The following SLC25A44 variants were observed in gnomAD, a reference collection of about 807,000 sequenced individuals.
SLC25A44 encodes the protein solute carrier family 25 member 44, also known as solute carrier family 25, member 44.
Under a neutral mutation model 29.9 loss-of-function variants are expected in SLC25A44, and 17 were observed. That is an observed-to-expected ratio of 0.57 (90% CI 0.39 to 0.85). The LOEUF (loss-of-function observed/expected upper bound fraction) is 0.85. Ranked by LOEUF, SLC25A44 falls within the 40% of genes least tolerant of loss-of-function variation. The pLI is 0.00. For missense variants in SLC25A44, 302 were observed against 398.4 expected (o/e 0.76, Z 2.06); for synonymous variants, 140 against 151.8 (o/e 0.92, Z 0.57).
In SLC25A44 at chr1:156,210,556, T is replaced by C; in HGVS notation, c.*125T>C. The C allele has an allele frequency of 3.3e-6, 2 of 606,046 alleles. No individual in the cohort carries two copies. 37.5% of individuals were successfully genotyped at this position (606,046 alleles called of 1,614,324 possible). On this transcript the variant is annotated 3_prime_UTR_variant, in exon 4 of 4. Coordinates refer to ENST00000359511, the MANE Select transcript of SLC25A44 (RefSeq NM_014655.4). ...CAGCCCTGCCCTGGGCCAAGTGGCC[T>C]ATCTGGGATAGGGATAGAGACTTTG...
Position 156,207,914 on chromosome 1 carries a change from G to C in SLC25A44, c.654G>C (p.Glu218Asp). 1 of 1,613,984 alleles carries C rather than the reference G, an allele frequency of 6.2e-7. No homozygotes were observed. Among genetic ancestry groups the C allele is most frequent in the Middle Eastern group, 1.7e-4 (1 of 6,058 alleles). ...AGCTCTCCTACCTGTGTCCTAAGGA[G>C]TGCCCTCACATTGTCTTTCAAGCTG... ...AEQLSYLCPK[E>D]CPHIVFQAVS... Residue 218 changes from glutamate to aspartate, a missense_variant, in exon 3 of 4, where the codon GAG becomes GAC. By Grantham distance (45) the Glu-to-Asp change is conservative. Coordinates refer to ENST00000359511, the MANE Select transcript of SLC25A44 (RefSeq NM_014655.4).
Position 156,207,957 on chromosome 1 carries a change from G to A in SLC25A44, c.697G>A (p.Ala233Thr). The change falls in exon 3 of 4, where the codon GCA becomes ACA. Residue 233 changes from alanine (A) to threonine (T), a missense_variant. Physicochemically the swap from Ala to Thr is moderately conservative, Grantham distance 58 (BLOSUM62 0). Coordinates refer to ENST00000359511, the MANE Select transcript of SLC25A44 (RefSeq NM_014655.4). ...VFQAVSGPLA[A>T]ATASILTNPM... ...TCAAGCTGTCTCGGGGCCCCTGGCT[G>A]CAGCCACTGCCTCCATCCTCACCAA... is the stretch of plus-strand genomic sequence containing the variant. 2 of 1,614,080 alleles carry A rather than the reference G, an allele frequency of 1.2e-6. No individual in the cohort carries two copies. Among genetic ancestry groups the A allele is most frequent in the Non-Finnish European group, 8.5e-7 (1 of 1,179,972 alleles).
intron 2 of SLC25A44, 34 bp from the exon 3 acceptor site, chr1:156,207,852 G>C: frequency 6.2e-7 from 1 of 1,612,562 alleles, no homozygotes; most frequent in Non-Finnish European, 8.5e-7. Context: ...GTGGTGCTTT[G>C]TGTCTTTAGC....
rs563077138 is a variant in SLC25A44 at position 156,211,673 on chromosome 1, C to T, written c.*1242C>T. 1 of 152,842 alleles carries T rather than the reference C, an allele frequency of 6.5e-6. No individual in the cohort carries two copies. Among genetic ancestry groups the T allele is most frequent in the African/African-American group, 2.4e-5 (1 of 41,558 alleles). 9.5% of individuals were successfully genotyped at this position (152,842 alleles called of 1,614,324 possible). A position where few individuals can be genotyped will look rare whatever the true frequency, so the allele number is the denominator to read the frequency against. On this transcript the variant is annotated 3_prime_UTR_variant, in exon 4 of 4. Transcript: ENST00000359511. Reference sequence around the variant, plus strand: ...ATACCAGGACCACTGCATTTACCAGCCTGATACTGCCAAGATTATCTGATG... The same window carrying T: ...ATACCAGGACCACTGCATTTACCAGTCTGATACTGCCAAGATTATCTGATG...
chr1:156,195,551 T>G (rs2842882), intron 1 of SLC25A44, among the ~76,000 whole-genome samples: 62,823 of 151,978 alleles, frequency 0.41, 14,526 homozygotes, highest in African/African-American at 0.63. Context: ...GCCGAGTGGA[T>G]ATGGAGGAAG....
intron 2 of SLC25A44, among the ~76,000 whole-genome samples, chr1:156,201,279 A>G (rs984800301): frequency 4.6e-5 from 7 of 152,210 alleles, no homozygotes; most frequent in African/African-American, 1.4e-4. Context: ...GAGGGCTTCC[A>G]TAAACATACT....
intron 2 of SLC25A44, among the ~76,000 whole-genome samples, chr1:156,204,792 G>T (rs1006610887): frequency 1.3e-5 from 2 of 151,832 alleles, no homozygotes; most frequent in African/African-American, 4.8e-5. Context: ...ACAGTTTAAT[G>T]ATTGCAAAAT....
intron 1 of SLC25A44, chr1:156,196,660 C>T (rs1372667444): frequency 6.6e-6 from 1 of 152,204 alleles, no homozygotes; most frequent in East Asian, 1.9e-4. Context: ...CCTGCTTGAG[C>T]CCTGCTGTAT....
Position 156,200,074 on chromosome 1 carries a change from G to C in SLC25A44, c.227G>C (p.Gly76Ala). The change falls in exon 2 of 4, where the codon GGG (glycine) becomes GCG (alanine). Residue 76 changes from glycine to alanine, a missense_variant. Transcript: ENST00000359511. ...RADGITGLYR[G>A]FLVNTFTLIS... Reference sequence around the variant, plus strand: ...GATGGTATCACTGGCCTCTACCGAGGGTTCCTGGTCAATACCTTCACCCTC... The same window carrying C: ...GATGGTATCACTGGCCTCTACCGAGCGTTCCTGGTCAATACCTTCACCCTC... The C allele has an allele frequency of 6.2e-7, 1 of 1,614,158 alleles. No individual in the cohort carries two copies. The highest frequency in any genetic ancestry group is 8.5e-7 in the Non-Finnish European group (1 of 1,180,022).
At chr1:156,200,677 G>A (rs1466525999) in intron 2 of SLC25A44, among the ~76,000 whole-genome samples, 1 of 152,108 alleles carries the variant, frequency 6.6e-6, no homozygotes, top group Non-Finnish European at 1.5e-5. Context: ...AGTGAGGGAA[G>A]CAGACAGGTA....
rs1459624338 is a variant in SLC25A44 at position 156,211,333 on chromosome 1, T to G, written c.*902T>G. On this transcript the variant is annotated 3_prime_UTR_variant, in exon 4 of 4. Coordinates refer to ENST00000359511, the MANE Select transcript of SLC25A44 (RefSeq NM_014655.4). ...GTGGATCAGGCTGTCTTGGGTGCAC[T>G]GGACTTGGAGCACTACCTTGAGAAG... 6.5e-6 allele frequency: 1 copy of G among 152,766 alleles called. No homozygotes were observed. Among genetic ancestry groups the G allele is most frequent in the Admixed American group, 6.5e-5 (1 of 15,276 alleles). 9.5% of individuals were successfully genotyped at this position (152,766 alleles called of 1,614,324 possible). A position where few individuals can be genotyped will look rare whatever the true frequency, so the allele number is the denominator to read the frequency against.
chr1:156,210,731 C>T lies in SLC25A44; in HGVS notation c.*300C>T, dbSNP rs1657248135. 5.9e-6 allele frequency: 1 copy of T among 169,054 alleles called. No homozygotes were observed. The highest frequency in any genetic ancestry group is 2.8e-5 in the African/African-American group (1 of 35,838). 10.5% of individuals were successfully genotyped at this position (169,054 alleles called of 1,614,324 possible). A position where few individuals can be genotyped will look rare whatever the true frequency, so the allele number is the denominator to read the frequency against. On this transcript the variant is annotated 3_prime_UTR_variant, in exon 4 of 4. Coordinates refer to ENST00000359511, the MANE Select transcript of SLC25A44 (RefSeq NM_014655.4). ...ACCCTGCCAGCCCTTCTTCTGGCTT[C>T]CCCTTCCATCTGTGTCCCTGAGACC...
intron 2 of SLC25A44, among the ~76,000 whole-genome samples, chr1:156,201,689 TTTC>T (rs147412580): frequency 0.032 from 4,868 of 152,054 alleles, 265 homozygotes; most frequent in African/African-American, 0.11. Flanking sequence ...CTTTTTCTTC[TTTC>T]TTCTTCTTTT....
At chr1:156,210,205 C>T (rs1285548906) in intron 3 of SLC25A44, 35 bp from the exon 4 acceptor site, 1 of 1,449,320 alleles carries the variant, frequency 6.9e-7, no homozygotes, top group Non-Finnish European at 9.3e-7. Context: ...GCTCTGACTA[C>T]AGACAATGGC....
At chr1:156,200,543 G>C in intron 2 of SLC25A44, 71 bp downstream of exon 2, 1 of 1,395,002 alleles carries the variant, frequency 7.2e-7, no homozygotes, top group Non-Finnish European at 9.7e-7. Flanking sequence ...GTTGCTTTGT[G>C]CATGTTAGAG....
intron 2 of SLC25A44, among the ~76,000 whole-genome samples, chr1:156,204,243 G>A (rs1255628534): frequency 1.3e-5 from 2 of 151,786 alleles, no homozygotes; most frequent in African/African-American, 2.4e-5. Context: ...CCAACCTCAG[G>A]TGATCCACCT....
In SLC25A44 at chr1:156,200,453, C is replaced by A; in HGVS notation, c.606C>A (p.Pro202=). Residue 202 remains proline (P), a synonymous_variant, in exon 2 of 4, where the codon CCC becomes CCA. Coordinates refer to ENST00000359511, the MANE Select transcript of SLC25A44 (RefSeq NM_014655.4). Reference sequence around the variant, plus strand: ...TCCCAAACAGTGCTGTCTGGTGGCCCTTCTATCACTTCTATGCAGGTAAGC... The same window carrying A: ...TCCCAAACAGTGCTGTCTGGTGGCCATTCTATCACTTCTATGCAGGTAAGC... ...TYIPNSAVWW[P]FYHFYAEQLS... The A allele has an allele frequency of 6.2e-7, 1 of 1,608,500 alleles. No individual in the cohort carries two copies. The highest frequency in any genetic ancestry group is 1.1e-5 in the South Asian group (1 of 90,888).
chr1:156,199,971 C>T lies in SLC25A44; in HGVS notation c.124C>T (p.Arg42Cys), dbSNP rs1558177479. 5 of 1,614,154 alleles carry T rather than the reference C, an allele frequency of 3.1e-6. No individual in the cohort carries two copies. The highest frequency in any genetic ancestry group is 1.6e-4 in the Middle Eastern group (1 of 6,062). ...RVSVYPFTLI[R>C]TRLQVQKGKS... ...CAGTGTCTACCCATTCACCCTCATC[C>T]GCACCCGGTTGCAAGTTCAGAAGGG... The change falls in exon 2 of 4, where the codon CGC (arginine) becomes TGC (cysteine). Residue 42 changes from arginine to cysteine, a missense_variant. Transcript: ENST00000359511.
chr1:156,194,813 A>G (rs1656104958), intron 1 of SLC25A44, among the ~76,000 whole-genome samples: 1 of 152,212 alleles, frequency 6.6e-6, no homozygotes, highest in Admixed American at 6.5e-5. Flanking sequence ...TTTCCAGCTG[A>G]GAAATGGGGA....
Sources: gnomAD v4.1 joint callset for allele counts (sites outside exome capture counted in the v4.1 genomes callset) on GRCh38, gnomAD v4.1.1 for gene constraint, MANE v1.5 for transcripts, NCBI Gene and HGNC (gene_info 2026-07-23, HGNC 2026-07-21) for gene names.